DCLK2: variants seen among roughly 807,000 people sequenced by gnomAD.
The protein encoded by DCLK2 is doublecortin like kinase 2.
Under a neutral mutation model 78.4 loss-of-function variants are expected in DCLK2, and 31 were observed. The ratio of observed to expected loss-of-function variants is 0.40; its 90% CI spans 0.30 to 0.53. The LOEUF (loss-of-function observed/expected upper bound fraction) is 0.53. Among genes scored for constraint, DCLK2 ranks in the 20% least tolerant of loss-of-function variants. DCLK2 has a pLI of 0.61. For missense variants in DCLK2, 872 were observed against 973.7 expected (o/e 0.90, Z 1.39); for synonymous variants, 407 against 374.9 (o/e 1.09, Z -0.99).
intron 1 of DCLK2, among the ~76,000 whole-genome samples, chr4:150,092,193 C>T (rs1481623745): frequency 6.6e-6 from 1 of 151,968 alleles, no homozygotes; most frequent in Non-Finnish European, 1.5e-5. Flanking sequence ...CCACATTTTC[C>T]TTATCAGTTC....
At chr4:150,242,983 T>A (rs566352288) in intron 12 of DCLK2, among the ~76,000 whole-genome samples, 6 of 152,290 alleles carry the variant, frequency 3.9e-5, no homozygotes, top group African/African-American at 1.4e-4. Context: ...TGGAGTTCCC[T>A]TCCCTGGCTA....
intron 2 of DCLK2, among the ~76,000 whole-genome samples, chr4:150,135,042 A>G (rs1296097398): frequency 6.6e-6 from 1 of 152,192 alleles, no homozygotes; most frequent in African/African-American, 2.4e-5. Context: ...TCATTTTATA[A>G]TGAAAAGTCT....
Position 150,078,464 on chromosome 4 carries a change from C to T in DCLK2, c.-564C>T, listed in dbSNP as rs1295729295. On this transcript the variant is annotated 5_prime_UTR_variant, in exon 1 of 16. Coordinates refer to ENST00000296550, the MANE Select transcript of DCLK2 (RefSeq NM_001040260.4). ...GGGGCCAGACACGGCCCTCTCAGCC[C>T]CGAACGGCGCGCGCTGCCCGGCGGG... 2 of 151,456 alleles carry T rather than the reference C, an allele frequency of 1.3e-5. No individual in the cohort carries two copies. The highest frequency in any genetic ancestry group is 2.4e-5 in the African/African-American group (1 of 41,296). 9.4% of individuals were successfully genotyped at this position (151,456 alleles called of 1,614,324 possible).
chr4:150,253,191 C>A (rs1744310774), intron 15 of DCLK2: 5 of 496,294 alleles, frequency 1.0e-5, no homozygotes, highest in Non-Finnish European at 2.0e-5. Flanking sequence ...TAAAAATAAC[C>A]TCAAAATGAC....
chr4:150,093,564 T>G (rs1045529908), intron 1 of DCLK2, among the ~76,000 whole-genome samples: 21 of 152,164 alleles, frequency 1.4e-4, no homozygotes, highest in Non-Finnish European at 5.9e-5. Flanking sequence ...GTATTTTTAG[T>G]AGAGACAGAG....
At chr4:150,228,220 T>C (rs1007644944) in intron 8 of DCLK2, among the ~76,000 whole-genome samples, 8 of 152,346 alleles carry the variant, frequency 5.3e-5, no homozygotes, top group Admixed American at 2.0e-4. Flanking sequence ...GCAGAACTCT[T>C]TTCCCAAGTA....
chr4:150,226,382 A>C (rs1741610335), intron 8 of DCLK2, among the ~76,000 whole-genome samples: 4 of 152,126 alleles, frequency 2.6e-5, no homozygotes, highest in Admixed American at 2.0e-4. Context: ...CGATATTACT[A>C]ATGTTTTTCA....
intron 10 of DCLK2, among the ~76,000 whole-genome samples, chr4:150,238,855 C>T (rs1027693651): frequency 7.9e-5 from 12 of 152,130 alleles, no homozygotes; most frequent in African/African-American, 2.9e-4. Flanking sequence ...TGCCTGATCC[C>T]AAAGGTCATT....
At chr4:150,184,653 G>C (rs1737780166) in intron 2 of DCLK2, among the ~76,000 whole-genome samples, 2 of 150,660 alleles carry the variant, frequency 1.3e-5, no homozygotes, top group Non-Finnish European at 2.9e-5. Context: ...CCAGGCTGGA[G>C]TGCAGTAGCG....
chr4:150,187,632 T>C (rs368793646), intron 2 of DCLK2, among the ~76,000 whole-genome samples: 18 of 152,194 alleles, frequency 1.2e-4, no homozygotes, highest in African/African-American at 3.9e-4. Flanking sequence ...AATTTTTGTC[T>C]CTTTTTTCTT....
chr4:150,204,627 C>CA, intron 5 of DCLK2, among the ~76,000 whole-genome samples: 1 of 152,150 alleles, frequency 6.6e-6, no homozygotes, highest in Non-Finnish European at 1.5e-5. Context: ...CATGATGGCT[C>CA]ACGCCTGTAA....
chr4:150,190,010 G>A (rs536419225), intron 2 of DCLK2, among the ~76,000 whole-genome samples: 2 of 110,378 alleles, frequency 1.8e-5, no homozygotes, highest in African/African-American at 3.3e-5. Flanking sequence ...TCAAACTTAT[G>A]GGCATCATAG....
At chr4:150,099,718 A>G (rs915757569) in intron 1 of DCLK2, among the ~76,000 whole-genome samples, 5 of 152,192 alleles carry the variant, frequency 3.3e-5, no homozygotes, top group African/African-American at 1.2e-4. Context: ...CTCAGTGTAC[A>G]TTGTAATGAG....
chr4:150,103,194 G>A (rs1422936788), intron 2 of DCLK2, among the ~76,000 whole-genome samples: 1 of 152,122 alleles, frequency 6.6e-6, no homozygotes, highest in Admixed American at 6.5e-5. Flanking sequence ...TATCACAGGA[G>A]TCAAAATTAA....
At chr4:150,223,018 T>G (rs7679888) in intron 7 of DCLK2, among the ~76,000 whole-genome samples, 10,154 of 152,288 alleles carry the variant, frequency 0.067, 442 homozygotes, top group East Asian at 0.2. Context: ...TGATAATTTT[T>G]ATCATTTCTG....
chr4:150,138,713 G>A (rs1295928964), intron 2 of DCLK2, among the ~76,000 whole-genome samples: 2 of 151,960 alleles, frequency 1.3e-5, no homozygotes, highest in East Asian at 1.9e-4. Flanking sequence ...GTCACCCAGG[G>A]TGGAGTGCAG....
At chr4:150,134,833 G>GT (rs200415145) in intron 2 of DCLK2, among the ~76,000 whole-genome samples, 3,103 of 152,050 alleles carry the variant, frequency 0.02, 36 homozygotes, top group Non-Finnish European at 0.031. Context: ...TGTTGTTGTT[G>GT]TTGTTTGTTT....
chr4:150,115,815 A>G (rs535151662), intron 2 of DCLK2, among the ~76,000 whole-genome samples: 21 of 152,340 alleles, frequency 1.4e-4, no homozygotes, highest in Admixed American at 7.8e-4. Flanking sequence ...TCAGTTGAAC[A>G]GTTCAGACTT....
At chr4:150,168,683 C>G (rs1283590101) in intron 2 of DCLK2, among the ~76,000 whole-genome samples, 1 of 152,124 alleles carries the variant, frequency 6.6e-6, no homozygotes, top group African/African-American at 2.4e-5. Context: ...TATTGCAATC[C>G]CAAAGTAGTG....
Sources: gnomAD v4.1 joint callset for allele counts (sites outside exome capture counted in the v4.1 genomes callset) on GRCh38, gnomAD v4.1.1 for gene constraint, MANE v1.5 for transcripts, NCBI Gene and HGNC (gene_info 2026-07-23, HGNC 2026-07-21) for gene names.